Variants in L3MBTL4 observed in about 807,000 individuals in gnomAD.
L3MBTL4 encodes L3MBTL histone methyl-lysine binding protein 4.
In L3MBTL4, 70 loss-of-function variants were observed where a neutral mutation model predicts 84.5. The observed-to-expected ratio is 0.83, with a 90% CI of 0.68 to 1.01. The LOEUF (loss-of-function observed/expected upper bound fraction) is 1.01. Ranked by LOEUF, L3MBTL4 falls within the 50% of genes least tolerant of loss-of-function variation. The pLI is 0.00. For missense variants in L3MBTL4, 715 were observed against 754.8 expected, an observed-to-expected ratio of 0.95 and a Z score of 0.62; for synonymous variants, 274 against 259.8, an observed-to-expected ratio of 1.05 and a Z score of -0.52.
chr18:6,317,416 C>T (rs980420222), intron 1 of L3MBTL4, among the ~76,000 whole-genome samples: 3 of 151,888 alleles, frequency 2.0e-5, no homozygotes, highest in Non-Finnish European at 4.4e-5. Context: ...AAAAACCAAT[C>T]AGAACATCTG....
At chr18:6,119,849 A>G (rs1309000057) in intron 14 of L3MBTL4, among the ~76,000 whole-genome samples, 1 of 152,218 alleles carries the variant, frequency 6.6e-6, no homozygotes, top group African/African-American at 2.4e-5. Context: ...AATAGGAGAA[A>G]GAGTATCAGA....
chr18:6,082,715 A>T (rs1381363456), intron 15 of L3MBTL4, among the ~76,000 whole-genome samples: 3 of 152,190 alleles, frequency 2.0e-5, no homozygotes, highest in Admixed American at 6.5e-5. Context: ...TGGGTATTTT[A>T]AAAAACATTT....
intron 13 of L3MBTL4, among the ~76,000 whole-genome samples, chr18:6,160,085 G>C (rs1406293014): frequency 6.6e-6 from 1 of 152,192 alleles, no homozygotes; most frequent in Admixed American, 6.5e-5. Context: ...GGGCTGCCCT[G>C]CTGGTGGACT....
chr18:6,398,752 G>A (rs1463400513), intron 1 of L3MBTL4, among the ~76,000 whole-genome samples: 2 of 148,684 alleles, frequency 1.3e-5, no homozygotes, highest in Non-Finnish European at 3.0e-5. Flanking sequence ...GCGGGGGGGC[G>A]GGGGCGGGGG....
At chr18:6,093,333 A>C in intron 15 of L3MBTL4, 22 bp downstream of exon 15, 1 of 1,576,576 alleles carries the variant, frequency 6.3e-7, no homozygotes, top group Non-Finnish European at 8.6e-7. Context: ...TTTCTGGCTC[A>C]CATTTTTAAG....
intron 1 of L3MBTL4, among the ~76,000 whole-genome samples, chr18:6,393,347 T>G (rs988456795): frequency 1.6e-4 from 25 of 152,154 alleles, no homozygotes; most frequent in Non-Finnish European, 3.1e-4. Context: ...GAGTCCAGGC[T>G]CCTGGATTGT....
At chr18:6,186,986 T>C (rs2044802364) in intron 12 of L3MBTL4, among the ~76,000 whole-genome samples, 1 of 152,024 alleles carries the variant, frequency 6.6e-6, no homozygotes, top group African/African-American at 2.4e-5. Flanking sequence ...TGTGTGATGC[T>C]AAGGCCTCAA....
chr18:6,404,759 T>A (rs1049434071), intron 1 of L3MBTL4, among the ~76,000 whole-genome samples: 6 of 152,162 alleles, frequency 3.9e-5, no homozygotes, highest in African/African-American at 1.4e-4. Context: ...CAAACACAGC[T>A]CACTGCTGCC....
intron 1 of L3MBTL4, 150 bp from the exon 2 acceptor site, chr18:6,312,206 T>C (rs397966): frequency 0.19 from 28,212 of 152,244 alleles, 2,729 homozygotes; most frequent in Middle Eastern, 0.22. Context: ...GAACCAACCA[T>C]CAATACCAAA....
At chr18:6,362,887 G>A (rs2053768773) in intron 1 of L3MBTL4, among the ~76,000 whole-genome samples, 1 of 152,214 alleles carries the variant, frequency 6.6e-6, no homozygotes, top group African/African-American at 2.4e-5. Context: ...CGGAGAGAAG[G>A]CTGGAGAAGG....
intron 1 of L3MBTL4, among the ~76,000 whole-genome samples, chr18:6,330,964 G>A (rs1326891477): frequency 6.6e-6 from 1 of 152,128 alleles, no homozygotes; most frequent in Non-Finnish European, 1.5e-5. Flanking sequence ...TAAAATAAGT[G>A]ACTTCTGGTC....
chr18:6,126,742 A>G (rs549713631), intron 14 of L3MBTL4, among the ~76,000 whole-genome samples: 2 of 152,378 alleles, frequency 1.3e-5, no homozygotes, highest in South Asian at 4.1e-4. Flanking sequence ...ACTGATTTAA[A>G]GATCCATGAC....
intron 4 of L3MBTL4, among the ~76,000 whole-genome samples, chr18:6,300,441 C>A (rs2050288942): frequency 6.6e-6 from 1 of 152,022 alleles, no homozygotes; most frequent in South Asian, 2.1e-4. Context: ...ACAAGTCCAA[C>A]AATGAAAAAA....
At chr18:6,165,194 T>C (rs1386703999) in intron 13 of L3MBTL4, among the ~76,000 whole-genome samples, 1 of 152,038 alleles carries the variant, frequency 6.6e-6, no homozygotes, top group African/African-American at 2.4e-5. Context: ...AAAGACCAAA[T>C]CTACATCTGA....
intron 16 of L3MBTL4, among the ~76,000 whole-genome samples, chr18:6,035,211 G>A (rs1453557809): frequency 6.6e-6 from 1 of 150,830 alleles, no homozygotes; most frequent in Non-Finnish European, 1.5e-5. Flanking sequence ...TTTTAGACAT[G>A]AAGTCCTTGC....
chr18:6,276,089 A>G (rs2049066731), intron 4 of L3MBTL4, among the ~76,000 whole-genome samples: 1 of 152,224 alleles, frequency 6.6e-6, no homozygotes. Context: ...TGGAAAGGCT[A>G]ATTAGAAACT....
chr18:5,967,271 C>T (rs1244678805), intron 17 of L3MBTL4, among the ~76,000 whole-genome samples: 1 of 152,214 alleles, frequency 6.6e-6, no homozygotes, highest in Non-Finnish European at 1.5e-5. Context: ...TGGCCTGGTT[C>T]TGACTGTGGC....
At chr18:6,207,394 C>A (rs1258882301) in intron 12 of L3MBTL4, among the ~76,000 whole-genome samples, 2 of 152,192 alleles carry the variant, frequency 1.3e-5, no homozygotes. Context: ...GCTTTCTGCG[C>A]CTATTTCCTT....
At chr18:6,150,809 C>T (rs879420398) in intron 13 of L3MBTL4, among the ~76,000 whole-genome samples, 9 of 152,160 alleles carry the variant, frequency 5.9e-5, no homozygotes, top group Non-Finnish European at 1.0e-4. Context: ...GACTTCCTAC[C>T]TTCTGCCTGG....
Sources: gnomAD v4.1 joint callset for allele counts (sites outside exome capture counted in the v4.1 genomes callset) on GRCh38, gnomAD v4.1.1 for gene constraint, MANE v1.5 for transcripts, NCBI Gene and HGNC (gene_info 2026-07-23, HGNC 2026-07-21) for gene names.